The following CHLSN variants were observed in gnomAD, a reference collection of about 807,000 sequenced individuals.
CHLSN encodes the protein cholesin, also known as protein cholesin.
chr7:1,112,102 C>T, the CHLSN span, among the ~76,000 whole-genome samples: 9 of 152,262 alleles, frequency 5.9e-5, no homozygotes, highest in South Asian at 2.1e-4. Flanking sequence ...AAAGAAGCAG[C>T]GCTGGCAAAC....
At chr7:1,095,349 C>A in the CHLSN span, among the ~76,000 whole-genome samples, 2 of 151,258 alleles carry the variant, frequency 1.3e-5, no homozygotes, top group African/African-American at 4.9e-5. Context: ...CCCAAACCCC[C>A]CTCCCCGACA....
At chr7:1,041,306 G>A in the CHLSN span, among the ~76,000 whole-genome samples, 1 of 121,164 alleles carries the variant, frequency 8.3e-6, no homozygotes, top group Admixed American at 8.1e-5. Flanking sequence ...AAGGGGACCT[G>A]GGGTCCGCGC....
At chr7:1,046,353 C>T in the CHLSN span, among the ~76,000 whole-genome samples, 2 of 152,228 alleles carry the variant, frequency 1.3e-5, no homozygotes, top group African/African-American at 4.8e-5. Flanking sequence ...GTCATGCACA[C>T]GACGATCCCA....
the CHLSN span, chr7:983,337 G>A: frequency 6.5e-7 from 1 of 1,538,964 alleles, no homozygotes; most frequent in Non-Finnish European, 8.7e-7. Flanking sequence ...CGCTCGTCGG[G>A]AACCTGCACT....
the CHLSN span, among the ~76,000 whole-genome samples, chr7:1,022,576 C>G: frequency 6.6e-6 from 1 of 152,218 alleles, no homozygotes; most frequent in Non-Finnish European, 1.5e-5. Flanking sequence ...CCTCCTCCCA[C>G]GGCAACCCTC....
the CHLSN span, among the ~76,000 whole-genome samples, chr7:1,098,977 T>C: frequency 6.6e-6 from 1 of 152,272 alleles, no homozygotes; most frequent in African/African-American, 2.4e-5. Context: ...ATTTCTGCTA[T>C]GTAAATTACA....
chr7:1,117,739 C>A, the CHLSN span, among the ~76,000 whole-genome samples: 1 of 148,562 alleles, frequency 6.7e-6, no homozygotes, highest in Non-Finnish European at 1.5e-5. Flanking sequence ...AGGATGATGA[C>A]ATCACTATAG....
the CHLSN span, among the ~76,000 whole-genome samples, chr7:1,112,556 C>A: frequency 7.8e-4 from 118 of 152,242 alleles, 1 homozygote; most frequent in Non-Finnish European, 1.4e-3. Flanking sequence ...GAAAGTCCCA[C>A]GGAACCTGGC....
At chr7:1,019,156 T>G in the CHLSN span, among the ~76,000 whole-genome samples, 3 of 125,472 alleles carry the variant, frequency 2.4e-5, no homozygotes, top group Non-Finnish European at 3.2e-5. Flanking sequence ...ATCGCGCCAT[T>G]GCACTCCAGC....
At chr7:1,096,705 T>C in the CHLSN span, among the ~76,000 whole-genome samples, 1 of 152,242 alleles carries the variant, frequency 6.6e-6, no homozygotes, top group Non-Finnish European at 1.5e-5. This position sits in a 1 kb window ranked among gnomAD's most constrained non-coding sequence, Gnocchi z 4.6. Context: ...AAAACCCCCG[T>C]GTTAGCACTG....
chr7:1,008,535 G>T, the CHLSN span, among the ~76,000 whole-genome samples: 1 of 152,296 alleles, frequency 6.6e-6, no homozygotes, highest in Admixed American at 6.5e-5. Context: ...AGAGACCCAT[G>T]ATGACTCAAC....
At chr7:1,003,848 T>C in the CHLSN span, among the ~76,000 whole-genome samples, 18 of 105,852 alleles carry the variant, frequency 1.7e-4, no homozygotes, top group South Asian at 3.3e-3. Context: ...TGGAGTCCTG[T>C]GGGTGAGTGG....
chr7:1,016,475 GCACAGCAGCA>G, the CHLSN span, among the ~76,000 whole-genome samples: 29 of 120,104 alleles, frequency 2.4e-4, no homozygotes, highest in Admixed American at 3.5e-4. Flanking sequence ...GCACATAGCA[GCACAGCAGCA>G]CACAGCAGCG....
At chr7:1,101,444 T>C in the CHLSN span, among the ~76,000 whole-genome samples, 1 of 152,190 alleles carries the variant, frequency 6.6e-6, no homozygotes. Context: ...GCTGGCTCTG[T>C]AGAATGTGAG....
chr7:1,100,474 G>A, the CHLSN span, among the ~76,000 whole-genome samples: 2 of 152,228 alleles, frequency 1.3e-5, no homozygotes, highest in South Asian at 2.1e-4. Flanking sequence ...GCCCATCTCC[G>A]CGGCAGGAGC....
the CHLSN span, among the ~76,000 whole-genome samples, chr7:1,000,125 C>T: frequency 6.6e-6 from 1 of 152,214 alleles, no homozygotes; most frequent in Non-Finnish European, 1.5e-5. Context: ...GAGGAGGCAA[C>T]GCTGCTCATC....
chr7:1,101,880 G>A, the CHLSN span, among the ~76,000 whole-genome samples: 6 of 152,368 alleles, frequency 3.9e-5, no homozygotes, highest in East Asian at 3.9e-4. Flanking sequence ...AACGAGGCTC[G>A]CTCCTGAGTC....
At chr7:1,003,356 T>C in the CHLSN span, among the ~76,000 whole-genome samples, 2 of 52,306 alleles carry the variant, frequency 3.8e-5, no homozygotes, top group Non-Finnish European at 3.7e-5. Context: ...GGGAGTCCTG[T>C]GGGTGGGGAG....
At chr7:982,829 G>A in the CHLSN span, among the ~76,000 whole-genome samples, 1 of 152,250 alleles carries the variant, frequency 6.6e-6, no homozygotes, top group Admixed American at 6.5e-5. Context: ...CTCCAAGCCA[G>A]GGCCTCGGCC....
Sources: gnomAD v4.1 joint callset for allele counts (sites outside exome capture counted in the v4.1 genomes callset) on GRCh38, gnomAD v4.1.1 for gene constraint, Gnocchi (gnomAD v3.1) non-coding constraint, MANE v1.5 for transcripts, NCBI Gene and HGNC (gene_info 2026-07-23, HGNC 2026-07-21) for gene names.